AFAP1L2: variants seen among roughly 807,000 people sequenced by gnomAD.
The protein encoded by AFAP1L2 is actin filament associated protein 1 like 2.
AFAP1L2 carries 46 observed loss-of-function variants against 99.3 expected under a neutral mutation model. That is an observed-to-expected ratio of 0.46 (90% CI 0.37 to 0.59). AFAP1L2 has a LOEUF of 0.59. Ranked by LOEUF, AFAP1L2 falls within the 20% of genes least tolerant of loss-of-function variation. The pLI is 0.00. For missense variants in AFAP1L2, 959 were observed against 1,034.9 expected (o/e 0.93, Z 1.01); for synonymous variants, 397 against 419.1 (o/e 0.95, Z 0.64).
intron 1 of AFAP1L2, among the ~76,000 whole-genome samples, chr10:114,374,593 G>T (rs975132706): frequency 6.6e-6 from 1 of 151,958 alleles, no homozygotes; most frequent in African/African-American, 2.4e-5. Flanking sequence ...CCGGATTTGT[G>T]CTGTCTTTAG....
chr10:114,291,529 T>C, downstream of AFAP1L2: 2 of 398,026 alleles, frequency 5.0e-6, no homozygotes, highest in East Asian at 5.1e-5. Flanking sequence ...TGTGCCTTGT[T>C]GAGGCTATGT....
chr10:114,374,048 A>G (rs371394497), intron 1 of AFAP1L2, among the ~76,000 whole-genome samples: 69 of 152,144 alleles, frequency 4.5e-4, no homozygotes, highest in African/African-American at 1.7e-3. Flanking sequence ...TATCAGAGTG[A>G]CAACACACAG....
chr10:114,357,156 T>A (rs2051502491), intron 1 of AFAP1L2, among the ~76,000 whole-genome samples: 1 of 152,162 alleles, frequency 6.6e-6, no homozygotes, highest in South Asian at 2.1e-4. Context: ...TCCAGAGCAT[T>A]TCATTTGGGG....
intron 1 of AFAP1L2, among the ~76,000 whole-genome samples, chr10:114,380,562 T>G (rs746584379): frequency 5.9e-5 from 9 of 152,222 alleles, no homozygotes; most frequent in Non-Finnish European, 2.9e-5. Flanking sequence ...TATAAAGGTC[T>G]AATAAATGCT....
intron 1 of AFAP1L2, among the ~76,000 whole-genome samples, chr10:114,387,716 C>T (rs371229181): frequency 4.6e-5 from 7 of 152,182 alleles, no homozygotes; most frequent in African/African-American, 9.7e-5. Flanking sequence ...CCAATCTGCA[C>T]GAAGCCACAC....
intron 1 of AFAP1L2, among the ~76,000 whole-genome samples, chr10:114,350,627 C>T (rs2050325814): frequency 6.6e-6 from 1 of 152,170 alleles, no homozygotes; most frequent in Non-Finnish European, 1.5e-5. Flanking sequence ...GTTAACGTCT[C>T]TAAAACGAGC....
At chr10:114,299,164 T>G in intron 16 of AFAP1L2, 96 bp downstream of exon 16, 3 of 1,467,672 alleles carry the variant, frequency 2.0e-6, no homozygotes, top group Non-Finnish European at 2.8e-6. Context: ...GGCCCACTGA[T>G]TGAGAAGGTG....
intron 5 of AFAP1L2, among the ~76,000 whole-genome samples, chr10:114,317,628 G>A (rs1414740264): frequency 6.6e-6 from 1 of 152,186 alleles, no homozygotes; most frequent in East Asian, 1.9e-4. Flanking sequence ...GGAGGCCAAG[G>A]CAGGTGGATC....
chr10:114,330,329 G>A (rs1399827845), intron 4 of AFAP1L2, among the ~76,000 whole-genome samples: 3 of 152,234 alleles, frequency 2.0e-5, no homozygotes, highest in Non-Finnish European at 2.9e-5. Flanking sequence ...TCCTGCTGGC[G>A]CTGACCCAAG....
rs7908322 is a variant in AFAP1L2, at chr10:114,336,854, A to G, written c.146-3559T>C. On this transcript the variant is annotated intron_variant, in intron 2 of 18. Transcript: ENST00000304129. ...TCCAGACAAAAAGCAAAGAGGGTAG[A>G]AAAATTTGTGTTACACTGAGAAAAA... is the stretch of plus-strand genomic sequence containing the variant. Among the ~76,000 whole-genome samples, 1,319 of 152,318 alleles carry G rather than the reference A, an allele frequency of 8.7e-3. 22 individuals carry two copies. Among genetic ancestry groups the G allele is most frequent in the African/African-American group, 0.03 (1,236 of 41,566 alleles).
chr10:114,368,500 G>A (rs979789316), intron 1 of AFAP1L2, among the ~76,000 whole-genome samples: 1 of 152,076 alleles, frequency 6.6e-6, no homozygotes, highest in Non-Finnish European at 1.5e-5. Context: ...GCTCACTGCA[G>A]CCTCCACCTC....
At chr10:114,320,411 T>C (rs2184357) in intron 5 of AFAP1L2, among the ~76,000 whole-genome samples, 112,962 of 152,224 alleles carry the variant, frequency 0.74, 43,711 homozygotes, top group East Asian at 0.93. Context: ...ATTCCTCCAG[T>C]CACAACCTGC....
chr10:114,289,706 T>C, the AFAP1L2 span: 2 of 592,726 alleles, frequency 3.4e-6, no homozygotes, highest in Non-Finnish European at 6.0e-6. Context: ...TTAACTAACA[T>C]AGATAACTCC....
intron 12 of AFAP1L2, chr10:114,302,128 C>G: frequency 3.0e-6 from 2 of 676,236 alleles, no homozygotes; most frequent in Non-Finnish European, 4.9e-6. Flanking sequence ...CCCCGGGGCC[C>G]GAAGCCTGGC....
At chr10:114,325,959 C>A in intron 4 of AFAP1L2, 4 of 1,289,374 alleles carry the variant, frequency 3.1e-6, no homozygotes, top group Non-Finnish European at 4.0e-6. Context: ...CTCCAGCCTC[C>A]AAGAAACTCC....
chr10:114,319,823 T>C (rs946461259), intron 5 of AFAP1L2, among the ~76,000 whole-genome samples: 1 of 152,216 alleles, frequency 6.6e-6, no homozygotes, highest in Non-Finnish European at 1.5e-5. Flanking sequence ...AGGCCACTGC[T>C]AAGCCAAGGA....
At chr10:114,342,859 T>G (rs2049008097) in intron 1 of AFAP1L2, among the ~76,000 whole-genome samples, 1 of 152,252 alleles carries the variant, frequency 6.6e-6, no homozygotes, top group African/African-American at 2.4e-5. Context: ...TCTGACTGCA[T>G]CACAGCGTAG....
In AFAP1L2 at chr10:114,333,792, C is replaced by G. The variant is rs142794747; in HGVS notation, c.146-497G>C. ...CACCACTGCACTCCAGCCTGGGCAA[C>G]AGAGTGCGACTCCATCTTAAAAAGA... On this transcript the variant is annotated intron_variant, in intron 2 of 18. Coordinates refer to ENST00000304129, the MANE Select transcript of AFAP1L2 (RefSeq NM_001001936.3). Among the ~76,000 whole-genome samples the G allele has an allele frequency of 7.6e-3, 1,164 of 152,236 alleles. 16 individuals are homozygous for G. Among genetic ancestry groups the G allele is most frequent in the African/African-American group, 0.026 (1,085 of 41,526 alleles).
In AFAP1L2 at chr10:114,295,805, C is replaced by T; in HGVS notation, c.*237G>A. The T allele has an allele frequency of 7.5e-7, 1 of 1,327,928 alleles. No individual in the cohort carries two copies. The highest frequency in any genetic ancestry group is 1.5e-5 in the African/African-American group (1 of 67,700). 82.3% of individuals were successfully genotyped at this position (1,327,928 alleles called of 1,614,324 possible). ...CACAGAACATCCCTAAATACAACGT[C>T]TTGTTTACATCCAATAGACTTAGGT... On this transcript the variant is annotated 3_prime_UTR_variant, in exon 19 of 19. Coordinates refer to ENST00000304129, the MANE Select transcript of AFAP1L2 (RefSeq NM_001001936.3).
Sources: gnomAD v4.1 joint callset for allele counts (sites outside exome capture counted in the v4.1 genomes callset) on GRCh38, gnomAD v4.1.1 for gene constraint, MANE v1.5 for transcripts, NCBI Gene and HGNC (gene_info 2026-07-23, HGNC 2026-07-21) for gene names.